Variants in TMEM132C observed in about 807,000 individuals in gnomAD.
TMEM132C encodes the protein protein phosphatase 1, regulatory subunit 152.
In TMEM132C, 29 loss-of-function variants were observed where a neutral mutation model predicts 61.4. The observed-to-expected ratio is 0.47, with a 90% confidence interval of 0.35 to 0.64. The LOEUF is 0.64. TMEM132C is among the 30% of genes least tolerant of loss of function. The pLI is 0.00. For synonymous variants in TMEM132C, 656 were observed against 633.1 expected (o/e 1.04, Z -0.54); for missense variants, 1,408 against 1,476.9 (o/e 0.95, Z 0.76).
At chr12:128,679,344 G>C (rs1197292333) in intron 5 of TMEM132C, among the ~76,000 whole-genome samples, 1 of 152,240 alleles carries the variant, frequency 6.6e-6, no homozygotes, top group East Asian at 1.9e-4. Flanking sequence ...TGACATCTCA[G>C]TAACTTAACA....
At position 128,269,558 on chromosome 12, in the gene TMEM132C, G is replaced by A. The variant is rs116136888; in HGVS notation, c.85+2071G>A. Among the ~76,000 whole-genome samples, 1,210 of 152,186 alleles carry A rather than the reference G, an allele frequency of 8.0e-3. 13 individuals carry two copies. Among genetic ancestry groups the A allele is most frequent in the African/African-American group, 0.027 (1,141 of 41,522 alleles). On this transcript the variant is annotated intron_variant, in intron 1 of 8. Coordinates refer to ENST00000435159, the MANE Select transcript of TMEM132C (RefSeq NM_001136103.3). ...CGAAGCCCCACCCCTATCCCAAACC[G>A]CCTCTGCCCTCTAGCTAAGTGCAAC...
intron 6 of TMEM132C, among the ~76,000 whole-genome samples, chr12:128,694,717 G>A (rs747494079): frequency 6.6e-6 from 1 of 152,192 alleles, no homozygotes; most frequent in Non-Finnish European, 1.5e-5. Flanking sequence ...AGAGTAAGTA[G>A]GACAGTGAGA....
intron 4 of TMEM132C, among the ~76,000 whole-genome samples, chr12:128,654,664 T>C (rs1487845884): frequency 2.0e-5 from 3 of 152,186 alleles, no homozygotes; most frequent in Non-Finnish European, 4.4e-5. Flanking sequence ...AGGAAGCTCT[T>C]GTCACTCAGC....
intron 1 of TMEM132C, among the ~76,000 whole-genome samples, chr12:128,413,236 T>C (rs1868626534): frequency 7.5e-6 from 1 of 133,304 alleles, no homozygotes; most frequent in African/African-American, 2.8e-5. Context: ...GAGGCGGAGC[T>C]TGCAGTGAGC....
At chr12:128,678,883 G>A (rs148104515) in intron 5 of TMEM132C, among the ~76,000 whole-genome samples, 239 of 152,312 alleles carry the variant, frequency 1.6e-3, no homozygotes, top group Non-Finnish European at 2.6e-3. Context: ...GTGGGAGGAC[G>A]CTCATTGCCA....
rs1289916884 is a variant in TMEM132C, at chr12:128,326,189, A to G, written c.85+58702A>G. On this transcript the variant is annotated intron_variant, in intron 1 of 8. Coordinates refer to ENST00000435159, the MANE Select transcript of TMEM132C (RefSeq NM_001136103.3). This position sits in a 1 kb window ranked among gnomAD's most constrained non-coding sequence, Gnocchi z 5.6. ...ATGAGGGTGAGGGAACTGTACAATT[A>G]TTTATCAAATTGCAAAAGAGGCAGT... 1.3e-5 allele frequency among the ~76,000 whole-genome samples: 2 copies of G among 152,118 alleles called. No individual in the cohort carries two copies. Among genetic ancestry groups the G allele is most frequent in the Non-Finnish European group, 2.9e-5 (2 of 68,014 alleles).
intron 8 of TMEM132C, among the ~76,000 whole-genome samples, chr12:128,700,142 C>T (rs529468039): frequency 3.0e-4 from 45 of 152,294 alleles, no homozygotes; most frequent in Non-Finnish European, 5.3e-4. Context: ...CATCTCCTGT[C>T]GCCCATCTGT....
chr12:128,340,401 G>C (rs1455932396), intron 1 of TMEM132C, among the ~76,000 whole-genome samples: 3 of 151,848 alleles, frequency 2.0e-5, no homozygotes, highest in Non-Finnish European at 4.4e-5. Flanking sequence ...GCTTATTTTA[G>C]TTGCAACAAA....
At chr12:128,590,457 A>T (rs1379985054) in intron 3 of TMEM132C, among the ~76,000 whole-genome samples, 1 of 152,166 alleles carries the variant, frequency 6.6e-6, no homozygotes, top group African/African-American at 2.4e-5. Flanking sequence ...AGAAAATGAC[A>T]GTTGGCAAAC....
chr12:128,574,972 T>G (rs966704511), intron 3 of TMEM132C, among the ~76,000 whole-genome samples: 4 of 152,180 alleles, frequency 2.6e-5, no homozygotes, highest in Admixed American at 1.3e-4. Context: ...ATAGCAGAGA[T>G]AACAGGTAAT....
chr12:128,304,423 C>A (rs143713687), intron 1 of TMEM132C, among the ~76,000 whole-genome samples: 2 of 151,878 alleles, frequency 1.3e-5, no homozygotes, highest in African/African-American at 4.8e-5. Flanking sequence ...GCCTGGCCAA[C>A]GTGGTGAAAC....
intron 3 of TMEM132C, among the ~76,000 whole-genome samples, chr12:128,581,711 A>C (rs568257233): frequency 1.2e-4 from 18 of 152,304 alleles, no homozygotes; most frequent in African/African-American, 4.3e-4. Flanking sequence ...CATTAGCTCG[A>C]GGGGGCTCTG....
chr12:128,396,172 G>A (rs559349109), intron 1 of TMEM132C, among the ~76,000 whole-genome samples: 1 of 137,206 alleles, frequency 7.3e-6, no homozygotes, highest in South Asian at 2.4e-4. Flanking sequence ...ACAAATACTT[G>A]TGGTTATTTG....
At chr12:128,494,759 C>T (rs560821816) in intron 2 of TMEM132C, among the ~76,000 whole-genome samples, 14 of 151,932 alleles carry the variant, frequency 9.2e-5, no homozygotes, top group South Asian at 4.2e-4. Context: ...GTCTTGCTAG[C>T]GGTCTATCAA....
At chr12:128,581,030 A>G (rs925769049) in intron 3 of TMEM132C, among the ~76,000 whole-genome samples, 1 of 152,170 alleles carries the variant, frequency 6.6e-6, no homozygotes, top group Non-Finnish European at 1.5e-5. Flanking sequence ...CCACTAGTTT[A>G]CAACACCAAA....
intron 4 of TMEM132C, among the ~76,000 whole-genome samples, chr12:128,634,052 G>A (rs2135595405): frequency 6.6e-6 from 1 of 152,306 alleles, no homozygotes; most frequent in African/African-American, 2.4e-5. Flanking sequence ...CAAGGTTCCT[G>A]CTTACCTGGT....
chr12:128,403,542 C>G (rs1389088174), intron 1 of TMEM132C, among the ~76,000 whole-genome samples: 1 of 152,058 alleles, frequency 6.6e-6, no homozygotes, highest in Non-Finnish European at 1.5e-5. Context: ...AACTGATGAA[C>G]ACATTTGAAA....
intron 4 of TMEM132C, among the ~76,000 whole-genome samples, chr12:128,618,480 T>C (rs1220400203): frequency 6.6e-6 from 1 of 152,206 alleles, no homozygotes; most frequent in East Asian, 1.9e-4. Context: ...CTCTGAACAC[T>C]GGATTTGGGT....
Position 128,429,620 on chromosome 12 carries a change from T to C in TMEM132C, c.974+14000T>C, listed in dbSNP as rs574255471. ...CCATGGAAATCAAGGCCAATTTTCA[T>C]GTTCACCAAGGAGCAAGGAGCTAAC... On this transcript the variant is annotated intron_variant, in intron 2 of 8. Coordinates refer to ENST00000435159, the MANE Select transcript of TMEM132C (RefSeq NM_001136103.3). Among the ~76,000 whole-genome samples the C allele has an allele frequency of 2.0e-5, 3 of 152,338 alleles. No homozygotes were observed. In the South Asian group the frequency reaches 6.2e-4, roughly 32 times the overall value.
Sources: gnomAD v4.1 joint callset for allele counts (sites outside exome capture counted in the v4.1 genomes callset) on GRCh38, gnomAD v4.1.1 for gene constraint, Gnocchi (gnomAD v3.1) non-coding constraint, MANE v1.5 for transcripts, NCBI Gene and HGNC (gene_info 2026-07-23, HGNC 2026-07-21) for gene names.